Variants in ABHD11 observed in about 807,000 individuals in gnomAD.
ABHD11 encodes the protein sn-1-specific diacylglycerol lipase ABHD11.
A neutral mutation model predicts 29.0 loss-of-function variants in ABHD11; 26 were observed. That is an observed-to-expected ratio of 0.90 (90% confidence interval 0.66 to 1.24). ABHD11 has a LOEUF of 1.24. Ranked by LOEUF, ABHD11 falls within the 50% of genes most tolerant of loss-of-function variation. The pLI is 0.00. For synonymous variants in ABHD11, 169 were observed against 166.4 expected (o/e 1.02, Z -0.12); for missense variants, 381 against 422.4 (o/e 0.90, Z 0.86).
rs1411114117 is a variant in ABHD11 at position 73,738,680 on chromosome 7, T to C, written c.91A>G (p.Ser31Gly). 12 of 1,602,270 alleles carry C rather than the reference T, an allele frequency of 7.5e-6. No individual in the cohort carries two copies. In the African/African-American group the frequency reaches 1.5e-4, roughly 20 times the overall value. ...SFARVPVAPSSSSGGRGGAEP... is the reference protein window; with the variant it reads ...SFARVPVAPSGSSGGRGGAEP... ...GCGCCCCCTCGGCCGCCGCTGCTGCTGCTGGGTGCGACAGGCACCCTCGCG... is the reference window on the plus strand; with the variant it reads ...GCGCCCCCTCGGCCGCCGCTGCTGCCGCTGGGTGCGACAGGCACCCTCGCG... Residue 31 changes from serine to glycine, a missense_variant, in exon 1 of 6, where the codon AGC (serine) becomes GGC (glycine). Coordinates refer to ENST00000222800, the MANE Select transcript of ABHD11 (RefSeq NM_148912.4).
At chr7:73,737,865 A>C (rs1206783808) in intron 2 of ABHD11, 130 bp from the exon 3 acceptor site, 1 of 1,370,792 alleles carries the variant, frequency 7.3e-7, no homozygotes, top group South Asian at 1.5e-5. Flanking sequence ...GGAAGGGCCC[A>C]GTTTCCAGAC....
chr7:73,736,645 T>A lies in ABHD11; in HGVS notation c.835A>T (p.Met279Leu). The A allele has an allele frequency of 1.9e-6, 3 of 1,614,006 alleles. No homozygotes were observed. Among genetic ancestry groups the A allele is most frequent in the Non-Finnish European group, 2.5e-6 (3 of 1,180,018 alleles). ...TGGCCAGCGTTCGGCACCGTCTGCATCTGGGCCCGAGGGAAGAGCCGCATA... is the reference window on the plus strand; with the variant it reads ...TGGCCAGCGTTCGGCACCGTCTGCAACTGGGCCCGAGGGAAGAGCCGCATA... ...EIMRLFPRAQ[M>L]QTVPNAGHWI... is the part of the protein sequence containing the mutation. The change falls in exon 6 of 6, where the codon ATG (methionine) becomes TTG (leucine). Residue 279 changes from methionine to leucine, a missense_variant. Met to Leu is a conservative substitution (Grantham distance 15). Coordinates refer to ENST00000222800, the MANE Select transcript of ABHD11 (RefSeq NM_148912.4).
In ABHD11 at chr7:73,737,681, T is replaced by C; in HGVS notation, c.316A>G (p.Ser106Gly). Residue 106 changes from serine to glycine, a missense_variant, in exon 3 of 6, where the codon AGC becomes GGC. Physicochemically the swap from Ser to Gly is moderately conservative, Grantham distance 56 (BLOSUM62 0). Transcript: ENST00000222800. ...AGGTCCTGGCTCATGATCTCGTAGC[T>C]CATGTCTGGGCTGTGGGGGCTGTCA... ...HGDSPHSPDMSYEIMSQDLQD... is the reference protein window; with the variant it reads ...HGDSPHSPDMGYEIMSQDLQD... 2 of 1,614,022 alleles carry C rather than the reference T, an allele frequency of 1.2e-6. No individual in the cohort carries two copies. Among genetic ancestry groups the C allele is most frequent in the Non-Finnish European group, 1.7e-6 (2 of 1,179,988 alleles).
At position 73,737,380 on chromosome 7, in the gene ABHD11, C is replaced by T. The variant is rs781821890; in HGVS notation, c.447G>A (p.Val149=). 2.5e-6 allele frequency: 4 copies of T among 1,612,084 alleles called. No homozygotes were observed. The highest frequency in any genetic ancestry group is 1.7e-4 in the Middle Eastern group (1 of 6,052). ...MLLALQRPEL[V]ERLIAVDISP... ...TGATATCTACAGCAATGAGACGTTC[C>T]ACCAGCTCTGGCTGTGGGAGAGAAC... is the stretch of plus-strand genomic sequence containing the variant. Residue 149 remains valine (V), a synonymous_variant, in exon 4 of 6, where the codon GTG becomes GTA. Transcript: ENST00000222800.
chr7:73,737,670 G>A lies in ABHD11; in HGVS notation c.327C>T (p.Ile109=), dbSNP rs1291823764. Residue 109 remains isoleucine, a synonymous_variant, in exon 3 of 6, where the codon ATC becomes ATT. Transcript: ENST00000222800. ...GAAGGTCCTGCAGGTCCTGGCTCAT[G>A]ATCTCGTAGCTCATGTCTGGGCTGT... ...SPHSPDMSYE[I]MSQDLQDLLP... is the part of the protein sequence containing the mutation. The A allele has an allele frequency of 2.0e-5, 32 of 1,614,052 alleles. No individual in the cohort carries two copies. Among genetic ancestry groups the A allele is most frequent in the Non-Finnish European group, 2.7e-5 (32 of 1,180,016 alleles).
Position 73,738,396 on chromosome 7 carries a change from C to A in ABHD11, c.193G>T (p.Gly65Trp), listed in dbSNP as rs782604498. 14 of 1,613,050 alleles carry A rather than the reference C, an allele frequency of 8.7e-6. No homozygotes were observed. Among genetic ancestry groups the A allele is most frequent in the Non-Finnish European group, 1.2e-5 (14 of 1,179,600 alleles). Residue 65 changes from glycine (G) to tryptophan (W), a missense_variant, in exon 2 of 6, where the codon GGG becomes TGG. Transcript: ENST00000222800. ...AAGTTAGTTTTGCTGCCGAAGAGCC[C>A]GTGCAAAAAGACGACGGCCGGGAGG... ...AALPAVVFLH[G>W]LFGSKTNFNS...
chr7:73,737,467 C>A, intron 3 of ABHD11, 76 bp from the exon 4 acceptor site: 3 of 1,565,152 alleles, frequency 1.9e-6, no homozygotes, highest in Non-Finnish European at 1.7e-6. Context: ...GGAGCCTGAA[C>A]TTGGTCATCC....
chr7:73,736,771 G>C, intron 5 of ABHD11, 80 bp from the exon 6 acceptor site: 1 of 1,603,330 alleles, frequency 6.2e-7, no homozygotes, highest in Non-Finnish European at 8.5e-7. Context: ...GAAGCAGAAC[G>C]GGGAGAAATG....
intron 2 of ABHD11, 119 bp downstream of exon 2, chr7:73,738,209 C>T (rs782801805): frequency 9.0e-6 from 13 of 1,438,104 alleles, no homozygotes; most frequent in African/African-American, 1.4e-5. Context: ...AGGGTCCATA[C>T]TCAGAGTGAG....
At chr7:73,737,152 T>C in intron 4 of ABHD11, 42 bp from the exon 5 acceptor site, 2 of 1,613,510 alleles carry the variant, frequency 1.2e-6, no homozygotes, top group South Asian at 2.2e-5. Flanking sequence ...TTGTGCGGTC[T>C]GGGGGTGCCA....
At position 73,736,933 on chromosome 7, in the gene ABHD11, C is replaced by T. The variant is rs782537272; in HGVS notation, c.784G>A (p.Val262Met). The change falls in exon 5 of 6, where the codon GTG becomes ATG. Residue 262 changes from valine (V) to methionine (M), a missense_variant. Physicochemically the swap from Val to Met is conservative, Grantham distance 21. Transcript: ENST00000222800. ...CTACTACCCAGGCTAGCTTACTGCA[C>T]GAACTGGGAGTTTCCACCAAGGAGA... The part of the protein sequence containing the change: ...LFLLGGNSQF[V>M]HPSHHPEIMR... The T allele has an allele frequency of 4.3e-6, 7 of 1,612,964 alleles. 1 individual carries two copies. The highest frequency in any genetic ancestry group is 2.2e-5 in the South Asian group (2 of 91,066).
Position 73,738,626 on chromosome 7 carries a change from G to T in ABHD11, c.125+20C>A. The stretch of plus-strand genomic sequence containing the variant: ...AAAGGAGGACAGAGGATGGCCTCCC[G>T]CCCGGTGCCCTTGACTGACCTCGGC... On this transcript the variant is annotated intron_variant, in intron 1 of 5. Transcript: ENST00000222800. The T allele has an allele frequency of 1.3e-6, 2 of 1,585,020 alleles. No individual in the cohort carries two copies. The highest frequency in any genetic ancestry group is 1.7e-6 in the Non-Finnish European group (2 of 1,168,394).
At position 73,736,485 on chromosome 7, in the gene ABHD11, C is replaced by T. The variant is rs371547739; in HGVS notation, c.*74G>A. On this transcript the variant is annotated 3_prime_UTR_variant, in exon 6 of 6. Coordinates refer to ENST00000222800, the MANE Select transcript of ABHD11 (RefSeq NM_148912.4). ...CAACTCCTGGCCTCAAGTCATCCTC[C>T]CGCCTTAGCCTCCCAAAGTGCTGGA... 9.0e-5 allele frequency: 143 copies of T among 1,580,198 alleles called. No homozygotes were observed. In the Middle Eastern group the frequency reaches 2.9e-3, roughly 32 times the overall value.
In ABHD11 at chr7:73,736,415, T is replaced by A. The variant is rs551661250; in HGVS notation, c.*144A>T. ...CCACCACGCCAGGCTAATTTTTGTA[T>A]TTTTAGTAGAGACAGGGTTTCACCA... On this transcript the variant is annotated 3_prime_UTR_variant, in exon 6 of 6. Transcript: ENST00000222800. 1 of 1,127,552 alleles carries A rather than the reference T, an allele frequency of 8.9e-7. No individual in the cohort carries two copies. The highest frequency in any genetic ancestry group is 1.2e-6 in the Non-Finnish European group (1 of 803,880). The allele number at this position is 1,127,552 out of a possible 1,614,324, so 69.8% of individuals were successfully genotyped here. A position where few individuals can be genotyped will look rare whatever the true frequency, so the allele number is the denominator to read the frequency against.
At chr7:73,738,016 A>T (rs1306880287) in intron 2 of ABHD11, 1 of 745,496 alleles carries the variant, frequency 1.3e-6, no homozygotes, top group African/African-American at 1.7e-5. Context: ...GGAATTTCCA[A>T]CAGTAGGAGC....
chr7:73,738,367 G>A lies in ABHD11; in HGVS notation c.222C>T (p.Asn74=), dbSNP rs782750457. The A allele has an allele frequency of 2.8e-5, 45 of 1,613,406 alleles. No homozygotes were observed. The highest frequency in any genetic ancestry group is 3.6e-5 in the Non-Finnish European group (43 of 1,179,794). Residue 74 remains asparagine, a synonymous_variant, in exon 2 of 6, where the codon AAC becomes AAT. Transcript: ENST00000222800. ...GCTGGGCCAAGATCTTGGCGATGGA[G>A]TTGAAGTTAGTTTTGCTGCCGAAGA... ...HGLFGSKTNF[N]SIAKILAQQT... is the part of the protein sequence containing the mutation.
In ABHD11 at chr7:73,738,044, C is replaced by T. The variant is rs115717316; in HGVS notation, c.261+284G>A. On this transcript the variant is annotated intron_variant, in intron 2 of 5. Transcript: ENST00000222800. Reference sequence around the variant, plus strand: ...GTAGGAGCACAGAAGAATGGGCTGCCATAAGAGGTGGTGAGCTCCCGGTCA... The same window carrying T: ...GTAGGAGCACAGAAGAATGGGCTGCTATAAGAGGTGGTGAGCTCCCGGTCA... 900 of 743,242 alleles carry T rather than the reference C, an allele frequency of 1.2e-3. 8 individuals are homozygous for T. In the African/African-American group the frequency reaches 0.014, roughly 11 times the overall value. The allele number at this position is 743,242 out of a possible 1,614,324, so 46.0% of individuals were successfully genotyped here.
Position 73,736,917 on chromosome 7 carries a change from A to C in ABHD11, c.788+12T>G, listed in dbSNP as rs1554621980. 6.2e-7 allele frequency: 1 copy of C among 1,611,580 alleles called. No homozygotes were observed. The highest frequency in any genetic ancestry group is 1.1e-5 in the South Asian group (1 of 90,984). On this transcript the variant is annotated intron_variant, in intron 5 of 5. Coordinates refer to ENST00000222800, the MANE Select transcript of ABHD11 (RefSeq NM_148912.4). ...GTAAAGCATGCCCCTCCTACTACCC[A>C]GGCTAGCTTACTGCACGAACTGGGA...
intron 1 of ABHD11, 59 bp from the exon 2 acceptor site, chr7:73,738,522 G>A: frequency 6.3e-7 from 1 of 1,579,302 alleles, no homozygotes; most frequent in Non-Finnish European, 8.6e-7. Flanking sequence ...AAAGGGGTAG[G>A]GGGAAAGAGC....
Sources: gnomAD v4.1 joint callset for allele counts on GRCh38, gnomAD v4.1.1 for gene constraint, MANE v1.5 for transcripts, NCBI Gene and HGNC (gene_info 2026-07-23, HGNC 2026-07-21) for gene names.